The following ERAP2 variants were observed in gnomAD, a reference collection of about 807,000 sequenced individuals.
ERAP2 encodes the protein leukocyte-derived arginine aminopeptidase.
ERAP2 carries 118 observed loss-of-function variants against 111.1 expected under a neutral mutation model. That is an observed-to-expected ratio of 1.06 (90% CI 0.92 to 1.24). The LOEUF is 1.24. ERAP2 is among the 50% of genes most tolerant of loss of function. The probability of loss-of-function intolerance (pLI) is 0.00; values close to 1 mark genes in which losing one functional copy is unlikely to be tolerated. For missense variants in ERAP2, 1,131 were observed against 1,125.8 expected, an observed-to-expected ratio of 1.00 and a Z score of -0.07; for synonymous variants, 410 against 401.2, an observed-to-expected ratio of 1.02 and a Z score of -0.26.
At chr5:96,911,928 G>A (rs1786806778) in intron 15 of ERAP2, among the ~76,000 whole-genome samples, 2 of 149,750 alleles carry the variant, frequency 1.3e-5, no homozygotes, top group Admixed American at 6.6e-5. Flanking sequence ...GGTGGCTCAC[G>A]CCTGTAATCC....
intron 10 of ERAP2, among the ~76,000 whole-genome samples, chr5:96,901,125 C>A (rs1785411090): frequency 6.6e-6 from 1 of 152,122 alleles, no homozygotes; most frequent in African/African-American, 2.4e-5. Context: ...ACAGATATTT[C>A]CCTCGTAAAC....
rs138724421 is a variant in ERAP2 at position 96,913,201 on chromosome 5, A to G, written c.2517-116A>G. The G allele has an allele frequency of 1.4e-4, 113 of 780,228 alleles. No homozygotes were observed. The African/African-American group carries it at 1.7e-3, about 12-fold the overall frequency. The allele number at this position is 780,228 out of a possible 1,614,324, so 48.3% of individuals were successfully genotyped here. A position where few individuals can be genotyped will look rare whatever the true frequency, so the allele number is the denominator to read the frequency against. On this transcript the variant is annotated intron_variant, in intron 16 of 18. Transcript: ENST00000437043. ...TAATTGAAACATTAAAAAATTGGTAATTATACTTTTATCATGCCTCTTTCT... is the reference window on the plus strand; with the variant it reads ...TAATTGAAACATTAAAAAATTGGTAGTTATACTTTTATCATGCCTCTTTCT...
At chr5:96,901,485 C>T in intron 10 of ERAP2, 21 bp from the exon 11 acceptor site, 1 of 1,610,874 alleles carries the variant, frequency 6.2e-7, no homozygotes, top group Non-Finnish European at 8.5e-7. Flanking sequence ...CTTGAGTTAT[C>T]ATAGTCACCT....
intron 2 of ERAP2, 87 bp downstream of exon 2, chr5:96,880,347 C>T: frequency 8.3e-7 from 1 of 1,210,020 alleles, no homozygotes; most frequent in Non-Finnish European, 1.1e-6. Flanking sequence ...CTTCAGCAGC[C>T]ATTTATGAGA....
rs578086892 is a variant in ERAP2, at chr5:96,877,782, C to T, written c.-123+1255C>T. ...AGCTAATAGACCAATTATGAGTGTA[C>T]TTATCAGACGTTCTTGGAACACTGA... is the stretch of plus-strand genomic sequence containing the variant. On this transcript the variant is annotated intron_variant, in intron 1 of 18. Transcript: ENST00000437043. 5.3e-5 allele frequency among the ~76,000 whole-genome samples: 8 copies of T among 152,230 alleles called. No homozygotes were observed. The South Asian group carries it at 1.4e-3, about 28-fold the overall frequency.
chr5:96,916,050 G>A (rs1581922136), intron 18 of ERAP2, among the ~76,000 whole-genome samples: 1 of 151,924 alleles, frequency 6.6e-6, no homozygotes, highest in Non-Finnish European at 1.5e-5. Context: ...GTGAAACCCT[G>A]TCTCTAATAA....
intron 13 of ERAP2, 75 bp from the exon 14 acceptor site, chr5:96,908,885 CA>C: frequency 1.4e-6 from 2 of 1,416,368 alleles, no homozygotes; most frequent in South Asian, 1.4e-5. Flanking sequence ...TTCTCTATTT[CA>C]TATTTGTTTT....
intron 1 of ERAP2, 109 bp from the exon 2 acceptor site, chr5:96,879,455 A>G (rs1782915170): frequency 6.6e-6 from 3 of 453,364 alleles, no homozygotes; most frequent in Non-Finnish European, 1.2e-5. Flanking sequence ...CCTAATTCTG[A>G]CAGAGAGCAG....
chr5:96,886,307 C>T (rs1016895589), intron 3 of ERAP2, among the ~76,000 whole-genome samples: 1 of 152,188 alleles, frequency 6.6e-6, no homozygotes, highest in African/African-American at 2.4e-5. Flanking sequence ...TGGTATTTTA[C>T]TTAAAAGCAC....
At chr5:96,894,898 C>T (rs535520940) in intron 6 of ERAP2, among the ~76,000 whole-genome samples, 6 of 152,154 alleles carry the variant, frequency 3.9e-5, no homozygotes, top group Non-Finnish European at 1.5e-5. Context: ...TGAGATTGTT[C>T]TTATTGGGCA....
At chr5:96,905,418 T>C (rs763080524) in intron 13 of ERAP2, among the ~76,000 whole-genome samples, 13 of 152,246 alleles carry the variant, frequency 8.5e-5, no homozygotes, top group Non-Finnish European at 1.8e-4. Context: ...GTCTAATTTC[T>C]AGTTGTTCTG....
intron 5 of ERAP2, among the ~76,000 whole-genome samples, chr5:96,891,445 GTA>G (rs1318853065): frequency 8.4e-5 from 12 of 142,306 alleles, no homozygotes; most frequent in African/African-American, 3.2e-4. Context: ...ACATATATAT[GTA>G]TATACACACA....
At chr5:96,898,248 G>A (rs565549282) in intron 9 of ERAP2, among the ~76,000 whole-genome samples, 20 of 151,758 alleles carry the variant, frequency 1.3e-4, no homozygotes, top group African/African-American at 3.1e-4. Context: ...CAAAGTTAAA[G>A]AATAAAAAGC....
chr5:96,919,514 A>G lies in ERAP2; in HGVS notation c.*1909A>G, dbSNP rs968071012. On this transcript the variant is annotated 3_prime_UTR_variant, in exon 19 of 19. Coordinates refer to ENST00000437043, the MANE Select transcript of ERAP2 (RefSeq NM_022350.5). Reference sequence around the variant, plus strand: ...TTTCAGTAGAACTGTACCATCAACAATGTTTCCATAAATATGCAGAGTTCT... The same window carrying G: ...TTTCAGTAGAACTGTACCATCAACAGTGTTTCCATAAATATGCAGAGTTCT... The G allele has an allele frequency of 6.6e-6, 1 of 152,338 alleles. No individual in the cohort carries two copies. Among genetic ancestry groups the G allele is most frequent in the Non-Finnish European group, 1.5e-5 (1 of 68,024 alleles). The allele number at this position is 152,338 out of a possible 1,614,324, so 9.4% of individuals were successfully genotyped here.
At chr5:96,891,078 T>C (rs1581826661) in intron 5 of ERAP2, among the ~76,000 whole-genome samples, 1 of 152,318 alleles carries the variant, frequency 6.6e-6, no homozygotes, top group Middle Eastern at 3.4e-3. Context: ...TACTAATCTT[T>C]ATTAGCGCTA....
intron 15 of ERAP2, among the ~76,000 whole-genome samples, chr5:96,910,741 T>A (rs1368085525): frequency 6.6e-6 from 1 of 152,308 alleles, no homozygotes; most frequent in East Asian, 1.9e-4. Context: ...ATATTGTTGG[T>A]TTTTTCTAAA....
chr5:96,909,883 C>A (rs544149110), intron 15 of ERAP2, 119 bp downstream of exon 15: 9 of 959,040 alleles, frequency 9.4e-6, no homozygotes, highest in Non-Finnish European at 1.2e-5. Flanking sequence ...ACATGCTGGG[C>A]ATTACAAACC....
chr5:96,901,190 TTTTG>T (rs1417546070), intron 10 of ERAP2, among the ~76,000 whole-genome samples: 4 of 146,622 alleles, frequency 2.7e-5, no homozygotes, highest in South Asian at 2.3e-4. Flanking sequence ...GTTTGTTTGA[TTTTG>T]TTTGTTTGCT....
chr5:96,901,386 A>G, intron 10 of ERAP2, 120 bp from the exon 11 acceptor site: 1 of 1,076,732 alleles, frequency 9.3e-7, no homozygotes, highest in Non-Finnish European at 1.4e-6. Flanking sequence ...CTGAGATACC[A>G]GTCCGAGTCT....
Sources: gnomAD v4.1 joint callset for allele counts (sites outside exome capture counted in the v4.1 genomes callset) on GRCh38, gnomAD v4.1.1 for gene constraint, MANE v1.5 for transcripts, NCBI Gene and HGNC (gene_info 2026-07-23, HGNC 2026-07-21) for gene names.